The following DISP3 variants were observed in gnomAD, a reference collection of about 807,000 sequenced individuals.
DISP3 encodes protein dispatched homolog 3.
A neutral mutation model predicts 135.3 loss-of-function variants in DISP3; 101 were observed. The ratio of observed to expected loss-of-function variants is 0.75; its 90% CI spans 0.64 to 0.88. DISP3 has a LOEUF of 0.88. Among genes scored for constraint, DISP3 ranks in the 40% least tolerant of loss-of-function variants. The pLI is 0.00. For synonymous variants in DISP3, 856 were observed against 817.0 expected (o/e 1.05, Z -0.81); for missense variants, 1,713 against 1,878.6 (o/e 0.91, Z 1.63).
In DISP3 at chr1:11,534,913, G is replaced by A. The variant is rs1340188897; in HGVS notation, c.3536-98G>A. 3.7e-6 allele frequency: 4 copies of A among 1,071,356 alleles called. No individual in the cohort carries two copies. The South Asian group carries it at 5.4e-5, about 14-fold the overall frequency. The allele number at this position is 1,071,356 out of a possible 1,614,324, so 66.4% of individuals were successfully genotyped here. A position where few individuals can be genotyped will look rare whatever the true frequency, so the allele number is the denominator to read the frequency against. ...GTTATGACCCCATTTTACAGACTGG[G>A]AGTCGGAGTCTCAGAGAGGTCAAGG... On this transcript the variant is annotated intron_variant, in intron 18 of 20. Transcript: ENST00000294484.
chr1:11,497,977 A>G (rs1420183381), intron 1 of DISP3, among the ~76,000 whole-genome samples: 2 of 152,156 alleles, frequency 1.3e-5, no homozygotes, highest in Non-Finnish European at 2.9e-5. Context: ...AGGGAATATG[A>G]CAGCCAAGTA....
At chr1:11,482,681 AT>A (rs1380343061) in intron 1 of DISP3, among the ~76,000 whole-genome samples, 2 of 152,076 alleles carry the variant, frequency 1.3e-5, no homozygotes, top group African/African-American at 4.8e-5. Context: ...CCTCTTTGAA[AT>A]GGTTTCCCCA....
rs376446233 is a variant in DISP3, at chr1:11,519,306, G to C, written c.1890-49G>C. 1.9e-4 allele frequency: 299 copies of C among 1,583,928 alleles called. No homozygotes were observed. The highest frequency in any genetic ancestry group is 2.4e-4 in the Non-Finnish European group (277 of 1,159,100). On this transcript the variant is annotated intron_variant, in intron 7 of 20. Coordinates refer to ENST00000294484, the MANE Select transcript of DISP3 (RefSeq NM_020780.2). The surrounding 1 kb of genome is among the most constrained non-coding windows in gnomAD (Gnocchi z 4.3). The stretch of plus-strand genomic sequence containing the variant: ...CTCAGGGCCCTGCCCCACCCTCCCT[G>C]GGTACCCAGGACCCTCTGGTTCACC...
intron 17 of DISP3, chr1:11,533,824 C>T (rs1642634869): frequency 4.2e-6 from 3 of 717,722 alleles, no homozygotes; most frequent in Non-Finnish European, 7.8e-6. Context: ...TCTTTTAGAG[C>T]AGGGTGAGTG....
intron 1 of DISP3, among the ~76,000 whole-genome samples, chr1:11,480,068 G>A (rs1025782928): frequency 2.0e-5 from 3 of 152,036 alleles, no homozygotes; most frequent in African/African-American, 7.3e-5. Context: ...GGGGCGCCAA[G>A]TCCCGGGAGC....
In DISP3 at chr1:11,516,953, AGT is replaced by A. The variant is rs1304066643; in HGVS notation, c.1750-507_1750-506del. Among the ~76,000 whole-genome samples, 1 of 152,114 alleles carries A rather than the reference AGT, an allele frequency of 6.6e-6. No individual in the cohort carries two copies. Among genetic ancestry groups the A allele is most frequent in the African/African-American group, 2.4e-5 (1 of 41,422 alleles). On this transcript the variant is annotated intron_variant, in intron 6 of 20. Transcript: ENST00000294484. This position sits in a 1 kb window ranked among gnomAD's most constrained non-coding sequence, Gnocchi z 5.1. ...GGATGATTGTGAAAGTGTTTCACAG[AGT>A]GTAGGCTGCTCTGTTGGTGGCTACA...
rs1641987737 is a variant in DISP3, at chr1:11,515,584, C to G, written c.1588+81C>G. ...TCCCCTTTCTCCCTGGATACAAAGCCTGGCTTCCCTGGGGGCTCTACACAG... is the reference window on the plus strand; with the variant it reads ...TCCCCTTTCTCCCTGGATACAAAGCGTGGCTTCCCTGGGGGCTCTACACAG... On this transcript the variant is annotated intron_variant, in intron 5 of 20. Coordinates refer to ENST00000294484, the MANE Select transcript of DISP3 (RefSeq NM_020780.2). 4.6e-6 allele frequency: 7 copies of G among 1,520,204 alleles called. No individual in the cohort carries two copies. In the South Asian group the frequency reaches 7.9e-5, roughly 17 times the overall value. 94.2% of individuals were successfully genotyped at this position (1,520,204 alleles called of 1,614,324 possible).
chr1:11,515,856 G>T (rs1641997126), intron 5 of DISP3, 145 bp from the exon 6 acceptor site: 2 of 969,276 alleles, frequency 2.1e-6, no homozygotes, highest in African/African-American at 3.3e-5. Flanking sequence ...AATCAGAGGG[G>T]TCTCTCCAAA....
chr1:11,528,818 G>C (rs1439805537), intron 13 of DISP3, among the ~76,000 whole-genome samples: 1 of 152,228 alleles, frequency 6.6e-6, no homozygotes, highest in African/African-American at 2.4e-5. Flanking sequence ...CTCTGACGGG[G>C]CTAGCTTTGG....
chr1:11,513,569 C>G (rs551383122), intron 3 of DISP3, among the ~76,000 whole-genome samples: 1 of 152,144 alleles, frequency 6.6e-6, no homozygotes, highest in African/African-American at 2.4e-5. Context: ...CTTTTGGTCA[C>G]TATTTTTGAG....
chr1:11,499,307 C>T lies in DISP3; in HGVS notation c.-3-1683C>T, dbSNP rs1032815622. ...TTTAGTTCCCAGAAAACTGCAAACACGGCCCCTCCCCTCTCCACCTTATTC... is the reference window on the plus strand; with the variant it reads ...TTTAGTTCCCAGAAAACTGCAAACATGGCCCCTCCCCTCTCCACCTTATTC... On this transcript the variant is annotated intron_variant, in intron 1 of 20. Coordinates refer to ENST00000294484, the MANE Select transcript of DISP3 (RefSeq NM_020780.2). The surrounding 1 kb of genome is among the most constrained non-coding windows in gnomAD (Gnocchi z 5.2). 2.6e-5 allele frequency among the ~76,000 whole-genome samples: 4 copies of T among 152,278 alleles called. No individual in the cohort carries two copies. The highest frequency in any genetic ancestry group is 7.2e-5 in the African/African-American group (3 of 41,536).
intron 10 of DISP3, among the ~76,000 whole-genome samples, chr1:11,523,479 CGGG>C (rs1553156265): frequency 8.3e-6 from 1 of 120,732 alleles, no homozygotes; most frequent in Non-Finnish European, 1.7e-5. Context: ...AGAGGGCAAG[CGGG>C]GGCAGAGTGG....
chr1:11,501,094 A>C lies in DISP3; in HGVS notation c.102A>C (p.Pro34=). Residue 34 remains proline (P), a synonymous_variant, in exon 2 of 21, where the codon CCA becomes CCC. Coordinates refer to ENST00000294484, the MANE Select transcript of DISP3 (RefSeq NM_020780.2). The surrounding 1 kb of genome is among the most constrained non-coding windows in gnomAD (Gnocchi z 4.9). ...AAACCTTTTTAGGGGCCCAGAAGCC[A>C]GGGCCCCAACCTGGGGCAGGGGGAC... ...TGETFLGAQK[P]GPQPGAGGQC... is the part of the protein sequence containing the mutation. The C allele has an allele frequency of 1.2e-6, 2 of 1,614,092 alleles. No individual in the cohort carries two copies. The highest frequency in any genetic ancestry group is 1.7e-6 in the Non-Finnish European group (2 of 1,180,004).
intron 3 of DISP3, among the ~76,000 whole-genome samples, chr1:11,510,021 C>T (rs61773861): frequency 0.16 from 24,033 of 152,060 alleles, 2,205 homozygotes; most frequent in East Asian, 0.46. Flanking sequence ...ATGGCGTGAA[C>T]CCGGGAGGTG....
intron 3 of DISP3, among the ~76,000 whole-genome samples, chr1:11,504,513 C>T (rs1045675257): frequency 2.0e-5 from 3 of 152,202 alleles, no homozygotes; most frequent in Non-Finnish European, 2.9e-5. Context: ...CTTTGTCCCC[C>T]GCAAAACTCA....
At position 11,495,785 on chromosome 1, in the gene DISP3, CCTT is replaced by C. The variant is rs1195470594; in HGVS notation, c.-3-5202_-3-5200del. Among the ~76,000 whole-genome samples, 13 of 152,318 alleles carry C rather than the reference CCTT, an allele frequency of 8.5e-5. No homozygotes were observed. The East Asian group carries it at 2.1e-3, about 25-fold the overall frequency. ...TTTGCCAGCTCCCCCTGTCCAAGGT[CCTT>C]CTGCTTTCTCACTGGGCGCTGTCCT... On this transcript the variant is annotated intron_variant, in intron 1 of 20. Coordinates refer to ENST00000294484, the MANE Select transcript of DISP3 (RefSeq NM_020780.2).
Position 11,517,479 on chromosome 1 carries a change from A to G in DISP3, c.1766A>G (p.Asp589Gly). ...NVFSQIPAVH[D>G]FGLFMSLIVS... ...CATCACCAGATCCCAGCCGTCCACG[A>G]CTTTGGCCTGTTCATGTCTCTCATC... is the stretch of plus-strand genomic sequence containing the variant. The change falls in exon 7 of 21, where the codon GAC becomes GGC. Residue 589 changes from aspartate (D) to glycine (G), a missense_variant. Transcript: ENST00000294484. 1 of 1,614,100 alleles carries G rather than the reference A, an allele frequency of 6.2e-7. No individual in the cohort carries two copies. The highest frequency in any genetic ancestry group is 8.5e-7 in the Non-Finnish European group (1 of 1,180,024).
chr1:11,486,879 A>G (rs1002913260), intron 1 of DISP3, among the ~76,000 whole-genome samples: 10 of 152,054 alleles, frequency 6.6e-5, no homozygotes, highest in African/African-American at 2.4e-4. Flanking sequence ...AGGTCTCCCT[A>G]TGTTGCCCAG....
At position 11,533,258 on chromosome 1, in the gene DISP3, T is replaced by A. The variant is rs1471491860; in HGVS notation, c.3376-1123T>A. On this transcript the variant is annotated intron_variant, in intron 17 of 20. Coordinates refer to ENST00000294484, the MANE Select transcript of DISP3 (RefSeq NM_020780.2). ...TTGTCCTTTGGTGACTGTTTCTTTT[T>A]TTTTTTTTTTTTTTTTTAATGGAGT... Among the ~76,000 whole-genome samples the A allele has an allele frequency of 2.7e-5, 4 of 146,252 alleles. No homozygotes were observed. The South Asian group carries it at 8.8e-4, about 32-fold the overall frequency.
Sources: gnomAD v4.1 joint callset for allele counts (sites outside exome capture counted in the v4.1 genomes callset) on GRCh38, gnomAD v4.1.1 for gene constraint, Gnocchi (gnomAD v3.1) non-coding constraint, MANE v1.5 for transcripts, NCBI Gene and HGNC (gene_info 2026-07-23, HGNC 2026-07-21) for gene names.